The following SLC6A3 variants were observed in gnomAD, a reference collection of about 807,000 sequenced individuals.
SLC6A3 encodes solute carrier family 6 member 3.
Under a neutral mutation model 70.4 loss-of-function variants are expected in SLC6A3, and 19 were observed. The observed-to-expected ratio is 0.27, with a 90% CI of 0.19 to 0.40. The LOEUF is 0.40. Among genes scored for constraint, SLC6A3 ranks in the 10% least tolerant of loss-of-function variants. The pLI is 1.00. For synonymous variants in SLC6A3, 368 were observed against 356.6 expected, an observed-to-expected ratio of 1.03 and a Z score of -0.36; for missense variants, 613 against 838.5, an observed-to-expected ratio of 0.73 and a Z score of 3.32.
rs547769266 is a variant in SLC6A3 at position 1,424,968 on chromosome 5, A to G, written c.654-2954T>C. On this transcript the variant is annotated intron_variant, in intron 4 of 14. Coordinates refer to ENST00000270349, the MANE Select transcript of SLC6A3 (RefSeq NM_001044.5). ...AAGCTGTGCGTCTCCCAGCATGTCC[A>G]TGCTTCTGAGGGCAGGGCAGGCGAG... Among the ~76,000 whole-genome samples the G allele has an allele frequency of 2.6e-5, 4 of 152,328 alleles. No individual in the cohort carries two copies. The South Asian group carries it at 8.3e-4, about 32-fold the overall frequency.
intron 9 of SLC6A3, among the ~76,000 whole-genome samples, chr5:1,410,552 G>T (rs1383924736): frequency 6.6e-6 from 1 of 152,166 alleles, no homozygotes; most frequent in Non-Finnish European, 1.5e-5. Flanking sequence ...GCCGATCAAG[G>T]GCTGGACCCG....
intron 12 of SLC6A3, among the ~76,000 whole-genome samples, chr5:1,403,771 C>T (rs1755907173): frequency 6.6e-6 from 1 of 152,142 alleles, no homozygotes; most frequent in Non-Finnish European, 1.5e-5. Flanking sequence ...TCAGAACCAC[C>T]ACCACAAAGG....
At chr5:1,409,992 G>T in intron 9 of SLC6A3, 143 bp from the exon 10 acceptor site, 4 of 1,039,868 alleles carry the variant, frequency 3.8e-6, no homozygotes, top group Non-Finnish European at 5.8e-6. Flanking sequence ...GGTGCAGGAT[G>T]CCTGGTAGTG....
intron 14 of SLC6A3, among the ~76,000 whole-genome samples, chr5:1,400,576 G>T (rs927336637): frequency 1.2e-4 from 18 of 152,310 alleles, no homozygotes; most frequent in African/African-American, 4.3e-4. Context: ...GAGGCGGGGG[G>T]TGGTGGTCCC....
chr5:1,406,659 A>G lies in SLC6A3; in HGVS notation c.1499-371T>C, dbSNP rs1010147330. ...TTATGGTAAAATACACATAACATAA[A>G]ACTTACCATTTTAGCCATTTTTACG... is the stretch of plus-strand genomic sequence containing the variant. On this transcript the variant is annotated intron_variant, in intron 11 of 14. Transcript: ENST00000270349. The surrounding 1 kb of genome is among the most constrained non-coding windows in gnomAD (Gnocchi z 8.8). Among the ~76,000 whole-genome samples, 2 of 149,304 alleles carry G rather than the reference A, an allele frequency of 1.3e-5. No individual in the cohort carries two copies. Among genetic ancestry groups the G allele is most frequent in the African/African-American group, 4.9e-5 (2 of 41,174 alleles).
chr5:1,406,828 C>A lies in SLC6A3; in HGVS notation c.1499-540G>T, dbSNP rs552398152. 2.6e-5 allele frequency among the ~76,000 whole-genome samples: 4 copies of A among 152,144 alleles called. No homozygotes were observed. The highest frequency in any genetic ancestry group is 6.5e-5 in the Admixed American group (1 of 15,276). On this transcript the variant is annotated intron_variant, in intron 11 of 14. Transcript: ENST00000270349. This position sits in a 1 kb window ranked among gnomAD's most constrained non-coding sequence, Gnocchi z 8.8. ...ACCCCCAACCCCCGCCAGGCCCCAG[C>A]ACCATCTGCTTTTTGTCTCAATGAA...
intron 7 of SLC6A3, among the ~76,000 whole-genome samples, chr5:1,415,439 C>T (rs944029434): frequency 4.6e-5 from 7 of 152,178 alleles, no homozygotes; most frequent in Non-Finnish European, 1.0e-4. Context: ...TGCGGGCAGG[C>T]GCTGCCTCAG....
rs1024907196 is a variant in SLC6A3 at position 1,401,055 on chromosome 5, A to C, written c.1768-69T>G. The C allele has an allele frequency of 2.5e-6, 3 of 1,207,844 alleles. No homozygotes were observed. The Admixed American group carries it at 5.9e-5, about 24-fold the overall frequency. 74.8% of individuals were successfully genotyped at this position (1,207,844 alleles called of 1,614,324 possible). A position where few individuals can be genotyped will look rare whatever the true frequency, so the allele number is the denominator to read the frequency against. On this transcript the variant is annotated intron_variant, in intron 13 of 14. Transcript: ENST00000270349. This position sits in a 1 kb window ranked among gnomAD's most constrained non-coding sequence, Gnocchi z 6.1. ...CACTGCCAGCACCCACCACTGACTC[A>C]CACTGCCAGGACCCTCACCTACCAG... is the stretch of plus-strand genomic sequence containing the variant.
chr5:1,441,226 T>A, intron 3 of SLC6A3, 133 bp downstream of exon 3: 11 of 1,042,702 alleles, frequency 1.1e-5, no homozygotes, highest in Non-Finnish European at 1.6e-5. Context: ...CAAGTTCAAG[T>A]GGCGTGTGCC....
At chr5:1,400,500 G>C (rs532062552) in intron 14 of SLC6A3, among the ~76,000 whole-genome samples, 3 of 152,120 alleles carry the variant, frequency 2.0e-5, no homozygotes. Flanking sequence ...CCCCTCCAGG[G>C]CTCCCTGTGG....
rs1009804069 is a variant in SLC6A3, at chr5:1,441,547, G to A, written c.287-57C>T. ...GCCTCGGAAGGGCCCATCTCTCCTC[G>A]TGGGAGCTTGGGCGGCTACCCCAGT... On this transcript the variant is annotated intron_variant, in intron 2 of 14. Coordinates refer to ENST00000270349, the MANE Select transcript of SLC6A3 (RefSeq NM_001044.5). 52 of 1,592,538 alleles carry A rather than the reference G, an allele frequency of 3.3e-5. No homozygotes were observed. In the African/African-American group the frequency reaches 4.4e-4, roughly 14 times the overall value.
At position 1,402,469 on chromosome 5, in the gene SLC6A3, C is replaced by T. The variant is rs142498903; in HGVS notation, c.1767+453G>A. 2.1e-4 allele frequency among the ~76,000 whole-genome samples: 32 copies of T among 152,166 alleles called. 1 individual carries two copies. In the South Asian group the frequency reaches 3.5e-3, roughly 17 times the overall value. On this transcript the variant is annotated intron_variant, in intron 13 of 14. Coordinates refer to ENST00000270349, the MANE Select transcript of SLC6A3 (RefSeq NM_001044.5). This position sits in a 1 kb window ranked among gnomAD's most constrained non-coding sequence, Gnocchi z 8.5. Reference sequence around the variant, plus strand: ...GGACCTAGATCACCCCTGATTCTACCGCCCTCAGATGGCTTCTGTGTCCAC... The same window carrying T: ...GGACCTAGATCACCCCTGATTCTACTGCCCTCAGATGGCTTCTGTGTCCAC...
chr5:1,405,031 G>A lies in SLC6A3; in HGVS notation c.1599+1157C>T, dbSNP rs28363122. ...GGTGGGCAGGAGGCTGACTTTCTGG[G>A]AGGGCTTCCTCACTTTCCCCTCTGA... On this transcript the variant is annotated intron_variant, in intron 12 of 14. Transcript: ENST00000270349. This position sits in a 1 kb window ranked among gnomAD's most constrained non-coding sequence, Gnocchi z 5.3. 4.4e-4 allele frequency among the ~76,000 whole-genome samples: 67 copies of A among 152,286 alleles called. No individual in the cohort carries two copies. Among genetic ancestry groups the A allele is most frequent in the Non-Finnish European group, 8.2e-4 (56 of 68,020 alleles).
chr5:1,432,416 C>A (rs776602267), intron 4 of SLC6A3, 48 bp downstream of exon 4: 7 of 1,434,938 alleles, frequency 4.9e-6, no homozygotes, highest in Non-Finnish European at 6.8e-6. Context: ...CCATGGGGGA[C>A]CTGGCTGCGC....
At chr5:1,441,089 G>C (rs552690833) in intron 3 of SLC6A3, among the ~76,000 whole-genome samples, 1 of 152,366 alleles carries the variant, frequency 6.6e-6, no homozygotes, top group East Asian at 1.9e-4. Context: ...AGATAGACAT[G>C]TGTTTTATCT....
At chr5:1,415,427 G>T (rs1258402307) in intron 7 of SLC6A3, among the ~76,000 whole-genome samples, 1 of 152,196 alleles carries the variant, frequency 6.6e-6, no homozygotes, top group East Asian at 1.9e-4. Context: ...ACGCAGGTGG[G>T]CTGCGGGCAG....
At position 1,408,329 on chromosome 5, in the gene SLC6A3, A is replaced by C. The variant is rs564521482; in HGVS notation, c.1498+697T>G. On this transcript the variant is annotated intron_variant, in intron 11 of 14. Coordinates refer to ENST00000270349, the MANE Select transcript of SLC6A3 (RefSeq NM_001044.5). This position sits in a 1 kb window ranked among gnomAD's most constrained non-coding sequence, Gnocchi z 6.4. ...AGTGCTGGGATTACAGGCGTGAGTC[A>C]CCGCGCCCGGACCACACATTCATGG... Among the ~76,000 whole-genome samples the C allele has an allele frequency of 1.3e-5, 2 of 151,366 alleles. No individual in the cohort carries two copies. Among genetic ancestry groups the C allele is most frequent in the African/African-American group, 2.4e-5 (1 of 41,198 alleles).
intron 4 of SLC6A3, among the ~76,000 whole-genome samples, chr5:1,427,441 CA>C (rs1262137521): frequency 6.6e-6 from 1 of 152,036 alleles, no homozygotes; most frequent in Admixed American, 6.6e-5. Context: ...TAATTCAAAA[CA>C]GGGAATAAAT....
Position 1,402,425 on chromosome 5 carries a change from G to A in SLC6A3, c.1767+497C>T, listed in dbSNP as rs1339685992. ...CTCCAGCTGCCCCTGTTCAGCCAAA[G>A]TTGGGCTCGGCCCTGGGGGGACCTA... On this transcript the variant is annotated intron_variant, in intron 13 of 14. Coordinates refer to ENST00000270349, the MANE Select transcript of SLC6A3 (RefSeq NM_001044.5). The surrounding 1 kb of genome is among the most constrained non-coding windows in gnomAD (Gnocchi z 8.5). Among the ~76,000 whole-genome samples the A allele has an allele frequency of 1.3e-5, 2 of 151,998 alleles. No homozygotes were observed. The highest frequency in any genetic ancestry group is 6.6e-5 in the Admixed American group (1 of 15,266).
Sources: allele counts gnomAD v4.1 joint callset (sites outside exome capture counted in the v4.1 genomes callset), GRCh38; gene constraint gnomAD v4.1.1; non-coding constraint Gnocchi (gnomAD v3.1); transcripts MANE v1.5; gene names NCBI Gene and HGNC (gene_info 2026-07-23, HGNC 2026-07-21).